The following CLTC variants were observed in gnomAD, a reference collection of about 807,000 sequenced individuals.
The protein encoded by CLTC is clathrin heavy chain 1.
In CLTC, 16 loss-of-function variants were observed where a neutral mutation model predicts 195.8. The ratio of observed to expected loss-of-function variants is 0.08; its 90% CI spans 0.06 to 0.12. CLTC has a LOEUF of 0.12. CLTC is among the 10% of genes least tolerant of loss of function. CLTC has a pLI of 1.00. For synonymous variants in CLTC, 667 were observed against 689.4 expected (o/e 0.97, Z 0.51); for missense variants, 796 against 2,027.0 (o/e 0.39, Z 11.66).
At chr17:59,693,201 T>C (rs1055532059) in intron 31 of CLTC, among the ~76,000 whole-genome samples, 1 of 151,914 alleles carries the variant, frequency 6.6e-6, no homozygotes, top group African/African-American at 2.4e-5. Context: ...ACCCTGTCTC[T>C]ACTAAAAATA....
At chr17:59,636,744 T>G (rs142496181) in intron 1 of CLTC, among the ~76,000 whole-genome samples, 47 of 152,030 alleles carry the variant, frequency 3.1e-4, no homozygotes, top group Non-Finnish European at 6.2e-4. Context: ...GCTTGCATCT[T>G]TAGAAAATAA....
chr17:59,653,325 C>G (rs2032376805), intron 5 of CLTC, among the ~76,000 whole-genome samples: 1 of 151,718 alleles, frequency 6.6e-6, no homozygotes. Context: ...TCCCGAGTAG[C>G]TGGGACTACA....
intron 31 of CLTC, among the ~76,000 whole-genome samples, chr17:59,691,605 CAG>C (rs952363969): frequency 3.4e-4 from 50 of 147,652 alleles, no homozygotes; most frequent in Non-Finnish European, 6.4e-4. Context: ...GCCTGGGTGA[CAG>C]AGCAAGACTC....
At chr17:59,649,965 G>C (rs2032290005) in intron 4 of CLTC, among the ~76,000 whole-genome samples, 2 of 152,178 alleles carry the variant, frequency 1.3e-5, no homozygotes, top group Non-Finnish European at 1.5e-5. Flanking sequence ...CCTGTTTATA[G>C]GTTATTGAGC....
chr17:59,639,588 C>G lies in CLTC; in HGVS notation c.43-4688C>G, dbSNP rs117893651. ...GTATCCAGATATATTACATGTATTT[C>G]AGATATGTCCTCTGAAAATACCTGC... is the stretch of plus-strand genomic sequence containing the variant. On this transcript the variant is annotated intron_variant, in intron 1 of 31. Transcript: ENST00000269122. Among the ~76,000 whole-genome samples the G allele has an allele frequency of 4.7e-3, 720 of 152,184 alleles. 5 individuals carry two copies. The highest frequency in any genetic ancestry group is 6.9e-3 in the Non-Finnish European group (467 of 67,998).
intron 5 of CLTC, among the ~76,000 whole-genome samples, chr17:59,653,762 T>G (rs1380885945): frequency 6.6e-6 from 1 of 151,840 alleles, no homozygotes; most frequent in Non-Finnish European, 1.5e-5. Flanking sequence ...TGTCTCACTG[T>G]GTTGCCCTGG....
chr17:59,621,768 TCAATC>T (rs1025364139), intron 1 of CLTC, among the ~76,000 whole-genome samples: 3 of 152,202 alleles, frequency 2.0e-5, no homozygotes, highest in South Asian at 2.1e-4. Context: ...TTTTTTTTGA[TCAATC>T]CAAGTTTAGT....
intron 2 of CLTC, among the ~76,000 whole-genome samples, chr17:59,645,355 C>G (rs1477758087): frequency 6.6e-6 from 1 of 152,106 alleles, no homozygotes; most frequent in African/African-American, 2.4e-5. Context: ...TTTATTCAGA[C>G]TAACTTTTTA....
At chr17:59,652,523 C>T (rs2032352908) in intron 5 of CLTC, among the ~76,000 whole-genome samples, 1 of 152,192 alleles carries the variant, frequency 6.6e-6, no homozygotes, top group Non-Finnish European at 1.5e-5. Context: ...TCTTCGCAGA[C>T]ATGAAAGCAA....
In CLTC at chr17:59,681,088, T is replaced by A. The variant is rs755748602; in HGVS notation, c.3065+31T>A. The A allele has an allele frequency of 6.2e-7, 1 of 1,604,764 alleles. No individual in the cohort carries two copies. The highest frequency in any genetic ancestry group is 1.1e-5 in the South Asian group (1 of 90,050). On this transcript the variant is annotated intron_variant, in intron 19 of 31. Transcript: ENST00000269122. This position sits in a 1 kb window ranked among gnomAD's most constrained non-coding sequence, Gnocchi z 5.0. ...CTTTCAGAGGGATCCATTGGCTATT[T>A]ATAGTCAGTCTTTAATAAATTATGG...
intron 4 of CLTC, 29 bp from the exon 5 acceptor site, chr17:59,651,174 T>C (rs1356015927): frequency 2.2e-6 from 3 of 1,363,946 alleles, no homozygotes; most frequent in Admixed American, 1.7e-5. Flanking sequence ...TGTATAGGTT[T>C]ATATACATTT....
chr17:59,625,823 G>C (rs1377704618), intron 1 of CLTC, among the ~76,000 whole-genome samples: 2 of 152,128 alleles, frequency 1.3e-5, no homozygotes, highest in Non-Finnish European at 2.9e-5. Flanking sequence ...TGTAGGTTGT[G>C]ACTTGTGGTT....
intron 1 of CLTC, among the ~76,000 whole-genome samples, chr17:59,638,802 G>T (rs1263583841): frequency 6.6e-6 from 1 of 152,144 alleles, no homozygotes; most frequent in Non-Finnish European, 1.5e-5. Flanking sequence ...CGGAATACTG[G>T]TCTGCGGCCT....
intron 13 of CLTC, 112 bp downstream of exon 13, chr17:59,667,089 G>T: frequency 3.9e-6 from 3 of 764,198 alleles, no homozygotes; most frequent in Non-Finnish European, 6.1e-6. Context: ...GGTTCTATGG[G>T]ACATTTTAAT....
intron 31 of CLTC, 82 bp from the exon 32 acceptor site, chr17:59,693,646 G>C (rs555104579): frequency 6.8e-7 from 1 of 1,462,068 alleles, no homozygotes; most frequent in Non-Finnish European, 9.1e-7. Flanking sequence ...GAGTGGAGGA[G>C]ATTGGAGTGT....
At chr17:59,634,650 T>TA (rs1167829910) in intron 1 of CLTC, among the ~76,000 whole-genome samples, 1 of 152,062 alleles carries the variant, frequency 6.6e-6, no homozygotes, top group Non-Finnish European at 1.5e-5. Flanking sequence ...AGCCAGTGAT[T>TA]CTCTCAAAGG....
chr17:59,636,189 C>T (rs1417038716), intron 1 of CLTC, among the ~76,000 whole-genome samples: 1 of 151,832 alleles, frequency 6.6e-6, no homozygotes, highest in East Asian at 1.9e-4. Flanking sequence ...ACTAGAAGTT[C>T]ATCAAATAAT....
rs1304688328 is a variant in CLTC at position 59,677,162 on chromosome 17, G to A, written c.2770G>A (p.Gly924Ser). ...TCTGGCCTGTGTTGCTTATGAACGT[G>A]GCCAATGTGATCTGGAACTTATTAA... ...PHLACVAYER[G>S]QCDLELINVC... The change falls in exon 17 of 32, where the codon GGC (glycine) becomes AGC (serine). Residue 924 changes from glycine (G) to serine (S), a missense_variant. Transcript: ENST00000269122. 1 of 1,613,932 alleles carries A rather than the reference G, an allele frequency of 6.2e-7. No homozygotes were observed.
chr17:59,693,357 ATTCTTT>A (rs2033351464), intron 31 of CLTC, among the ~76,000 whole-genome samples: 1 of 97,028 alleles, frequency 1.0e-5, no homozygotes, highest in Non-Finnish European at 2.3e-5. Context: ...ACAGAGCCAG[ATTCTTT>A]TTTTTTTTTT....
Sources: gnomAD v4.1 joint callset for allele counts (sites outside exome capture counted in the v4.1 genomes callset) on GRCh38, gnomAD v4.1.1 for gene constraint, Gnocchi (gnomAD v3.1) non-coding constraint, MANE v1.5 for transcripts, NCBI Gene and HGNC (gene_info 2026-07-23, HGNC 2026-07-21) for gene names.